The following STPG2 variants were observed in gnomAD, a reference collection of about 807,000 sequenced individuals.
STPG2 encodes the protein sperm-tail PG-rich repeat-containing protein 2.
A neutral mutation model predicts 54.2 loss-of-function variants in STPG2; 56 were observed. The ratio of observed to expected loss-of-function variants is 1.03; its 90% confidence interval spans 0.83 to 1.29. The LOEUF is 1.29. Among genes scored for constraint, STPG2 ranks in the 50% most tolerant of loss-of-function variants. The pLI is 0.00. For synonymous variants in STPG2, 200 were observed against 181.8 expected (o/e 1.10, Z -0.81); for missense variants, 596 against 544.9 (o/e 1.09, Z -0.93).
intron 9 of STPG2, among the ~76,000 whole-genome samples, chr4:97,834,138 G>T (rs1386985097): frequency 1.3e-5 from 2 of 152,088 alleles, no homozygotes; most frequent in African/African-American, 4.8e-5. Context: ...ACTCGGTAAA[G>T]AAAATGTGGC....
chr4:97,578,651 C>CA (rs1419492514), intron 10 of STPG2, among the ~76,000 whole-genome samples: 68 of 151,294 alleles, frequency 4.5e-4, no homozygotes, highest in Non-Finnish European at 8.0e-4. Flanking sequence ...AGAGAAAAAC[C>CA]AAGAGTTTTG....
At chr4:97,915,904 G>T (rs916560254) in intron 8 of STPG2, among the ~76,000 whole-genome samples, 1 of 152,170 alleles carries the variant, frequency 6.6e-6, no homozygotes, top group Non-Finnish European at 1.5e-5. Context: ...CAAGGATAGA[G>T]GGGGTGAGAG....
At chr4:97,778,358 G>T (rs944520666) in intron 9 of STPG2, among the ~76,000 whole-genome samples, 2 of 152,128 alleles carry the variant, frequency 1.3e-5, no homozygotes, top group African/African-American at 4.8e-5. Flanking sequence ...GTCTGAGATC[G>T]AATGGCAAGG....
chr4:97,769,609 C>CA (rs1264144878), intron 9 of STPG2, among the ~76,000 whole-genome samples: 8 of 151,702 alleles, frequency 5.3e-5, no homozygotes, highest in Admixed American at 2.6e-4. Flanking sequence ...CCTACCCTCA[C>CA]AAAAAAAGTT....
At chr4:97,902,523 G>A (rs997353397) in intron 8 of STPG2, among the ~76,000 whole-genome samples, 60 of 152,184 alleles carry the variant, frequency 3.9e-4, no homozygotes, top group African/African-American at 1.4e-3. Context: ...ACATTTGTAT[G>A]GCCAATAGAT....
chr4:97,534,259 T>C lies in STPG2; in HGVS notation c.462+178440A>G, dbSNP rs74426484. On this transcript the variant is annotated intron_variant, in intron 4 of 4. Transcript: ENST00000522676. ...ATGAGGTATCTGTTCAAATATTATG[T>C]GTAATTTTTATTACATTCTGTGTTA... 1.7e-3 allele frequency among the ~76,000 whole-genome samples: 261 copies of C among 152,296 alleles called. 6 individuals carry two copies. In the East Asian group the frequency reaches 0.05, roughly 29 times the overall value.
At chr4:97,583,723 G>C (rs1452743882) in intron 10 of STPG2, among the ~76,000 whole-genome samples, 1 of 151,882 alleles carries the variant, frequency 6.6e-6, no homozygotes, top group Non-Finnish European at 1.5e-5. Context: ...AGCAGGTATA[G>C]CTATTTTTAT....
chr4:97,714,871 T>C (rs1724241813), intron 9 of STPG2, among the ~76,000 whole-genome samples: 1 of 152,164 alleles, frequency 6.6e-6, no homozygotes, highest in Non-Finnish European at 1.5e-5. Flanking sequence ...CCAAACACTA[T>C]TGTAACTGTA....
intron 7 of STPG2, among the ~76,000 whole-genome samples, chr4:97,967,128 G>A (rs1734131687): frequency 7.3e-6 from 1 of 136,582 alleles, no homozygotes; most frequent in African/African-American, 2.7e-5. Context: ...CACATGCAGA[G>A]ACACACACAG....
intron 5 of STPG2, among the ~76,000 whole-genome samples, chr4:98,103,544 G>A (rs1385400011): frequency 6.6e-6 from 1 of 151,972 alleles, no homozygotes; most frequent in African/African-American, 2.4e-5. Flanking sequence ...GGGAGGCTGA[G>A]GCAGCAGAAT....
At chr4:97,910,427 G>A (rs1032861115) in intron 8 of STPG2, among the ~76,000 whole-genome samples, 12 of 152,168 alleles carry the variant, frequency 7.9e-5, no homozygotes, top group African/African-American at 2.9e-4. Flanking sequence ...CAAAAGCTCT[G>A]AAAATTAAAT....
At chr4:98,101,165 T>A (rs1739026061) in intron 5 of STPG2, among the ~76,000 whole-genome samples, 1 of 152,208 alleles carries the variant, frequency 6.6e-6, no homozygotes, top group African/African-American at 2.4e-5. Context: ...ACTTTGCCAC[T>A]GAAATCTCTT....
At chr4:97,928,113 A>AGTTTTAGTGTATTAATG (rs1732402258) in intron 8 of STPG2, among the ~76,000 whole-genome samples, 1 of 152,108 alleles carries the variant, frequency 6.6e-6, no homozygotes, top group Admixed American at 6.6e-5. Context: ...TGACCACTAG[A>AGTTTTAGTGTATTAATG]GTTTTAGTGT....
intron 9 of STPG2, among the ~76,000 whole-genome samples, chr4:97,828,345 T>C (rs970712816): frequency 2.0e-5 from 3 of 152,144 alleles, no homozygotes; most frequent in Admixed American, 6.5e-5. Flanking sequence ...TGAGGAATGG[T>C]GCACTCTGGC....
chr4:97,880,528 C>T (rs753732169), intron 8 of STPG2, among the ~76,000 whole-genome samples: 19 of 151,918 alleles, frequency 1.3e-4, no homozygotes, highest in Non-Finnish European at 2.8e-4. Flanking sequence ...TTCAGAGTCC[C>T]TTACAATATA....
rs181777674 is a variant in STPG2 at position 97,547,104 on chromosome 4, T to C, written c.462+165595A>G. ...ATTCTTACAAATGAAAGAAGTTCAA[T>C]ACGTACGAACTAAAAATGAAAAGGG... On this transcript the variant is annotated intron_variant, in intron 4 of 4. Transcript: ENST00000522676. Among the ~76,000 whole-genome samples the C allele has an allele frequency of 2.1e-3, 318 of 151,046 alleles. 1 individual carries two copies. Among genetic ancestry groups the C allele is most frequent in the Non-Finnish European group, 3.5e-3 (237 of 67,658 alleles).
intron 10 of STPG2, among the ~76,000 whole-genome samples, chr4:97,708,462 T>C (rs1393557686): frequency 6.6e-6 from 1 of 151,980 alleles, no homozygotes; most frequent in Non-Finnish European, 1.5e-5. Flanking sequence ...AAATGAGTTC[T>C]AGCATGTAAT....
chr4:97,735,164 T>G (rs1487954820), intron 9 of STPG2, among the ~76,000 whole-genome samples: 1 of 151,750 alleles, frequency 6.6e-6, no homozygotes, highest in Non-Finnish European at 1.5e-5. Context: ...GTGAACTACA[T>G]ATTTATATAT....
At position 98,137,883 on chromosome 4, in the gene STPG2, T is replaced by A. The variant is rs183084367; in HGVS notation, c.110-3424A>T. Among the ~76,000 whole-genome samples, 231 of 152,066 alleles carry A rather than the reference T, an allele frequency of 1.5e-3. 1 individual carries two copies. The highest frequency in any genetic ancestry group is 5.4e-3 in the African/African-American group (223 of 41,538). ...CATTGAAGTTTTCCAAAATTAATTATATAGAATCTTTTGTCAATAAAAGTA... is the reference window on the plus strand; with the variant it reads ...CATTGAAGTTTTCCAAAATTAATTAAATAGAATCTTTTGTCAATAAAAGTA... On this transcript the variant is annotated intron_variant, in intron 1 of 10. Transcript: ENST00000295268.
Sources: gnomAD v4.1 joint callset for allele counts (sites outside exome capture counted in the v4.1 genomes callset) on GRCh38, gnomAD v4.1.1 for gene constraint, MANE v1.5 for transcripts, NCBI Gene and HGNC (gene_info 2026-07-23, HGNC 2026-07-21) for gene names.